The following HIBCH variants were observed in gnomAD, a reference collection of about 807,000 sequenced individuals.
HIBCH encodes the protein 3-hydroxyisobutyryl-CoA hydrolase, also known as 3-hydroxyisobutyryl-CoA hydrolase, mitochondrial.
In HIBCH, 50 loss-of-function variants were observed where a neutral mutation model predicts 58.2. That is an observed-to-expected ratio of 0.86 (90% confidence interval 0.68 to 1.09). The LOEUF is 1.09. Ranked by LOEUF, HIBCH falls within the 50% of genes least tolerant of loss-of-function variation. HIBCH has a pLI of 0.00. For synonymous variants in HIBCH, 151 were observed against 146.9 expected (o/e 1.03, Z -0.20); for missense variants, 450 against 449.7 (o/e 1.00, Z -0.01).
chr2:190,241,207 T>A (rs1387256073), intron 11 of HIBCH, among the ~76,000 whole-genome samples: 2 of 152,252 alleles, frequency 1.3e-5, no homozygotes, highest in African/African-American at 2.4e-5. Flanking sequence ...GCTGCATTGA[T>A]CCCTTTACCA....
At chr2:190,299,971 CTCCA>C (rs1237142007) in intron 2 of HIBCH, among the ~76,000 whole-genome samples, 4 of 152,078 alleles carry the variant, frequency 2.6e-5, no homozygotes. Context: ...CTCCAGGTCC[CTCCA>C]TGTTCCTGCA....
intron 5 of HIBCH, among the ~76,000 whole-genome samples, chr2:190,289,744 C>T (rs1301323987): frequency 6.6e-6 from 1 of 151,764 alleles, no homozygotes; most frequent in South Asian, 2.1e-4. Context: ...TCCAATGAAA[C>T]CTAGAACCTT....
intron 11 of HIBCH, among the ~76,000 whole-genome samples, chr2:190,242,135 A>G (rs565203369): frequency 3.7e-4 from 56 of 151,850 alleles, no homozygotes; most frequent in Admixed American, 7.2e-4. Flanking sequence ...ATAGTCCTAC[A>G]TTTCTTGGAG....
intron 6 of HIBCH, among the ~76,000 whole-genome samples, chr2:190,283,385 T>C (rs1191784377): frequency 2.0e-5 from 3 of 152,070 alleles, no homozygotes; most frequent in East Asian, 1.9e-4. Flanking sequence ...CCCTAGCCAA[T>C]AGGGGAATGA....
intron 3 of HIBCH, 95 bp downstream of exon 3, chr2:190,296,718 G>T (rs1011650673): frequency 8.6e-7 from 1 of 1,167,540 alleles, no homozygotes; most frequent in African/African-American, 1.5e-5. Context: ...ATATCCCAGA[G>T]AATTATGTGA....
intron 10 of HIBCH, 95 bp downstream of exon 10, chr2:190,246,059 C>G: frequency 1.0e-5 from 7 of 687,734 alleles, no homozygotes; most frequent in Non-Finnish European, 1.8e-5. Flanking sequence ...CACTATCAAA[C>G]ACAATGTAAT....
chr2:190,195,015 T>G (rs1559000208), intron 1 of HIBCH, among the ~76,000 whole-genome samples: 1 of 152,110 alleles, frequency 6.6e-6, no homozygotes, highest in African/African-American at 2.4e-5. Context: ...CCACCATGCC[T>G]GGCTAATTTT....
intron 1 of HIBCH, among the ~76,000 whole-genome samples, chr2:190,313,663 AAGG>A (rs1688617607): frequency 1.4e-5 from 2 of 146,332 alleles, no homozygotes; most frequent in Admixed American, 6.9e-5. Flanking sequence ...AAAAAAAAAA[AAGG>A]AATCACCTGG....
chr2:190,245,055 C>T, intron 10 of HIBCH, 87 bp from the exon 11 acceptor site: 2 of 859,052 alleles, frequency 2.3e-6, no homozygotes, highest in East Asian at 4.9e-5. Context: ...GGCTTTCCCC[C>T]ACCTCTGTTT....
chr2:190,237,920 G>T (rs1686328849), intron 11 of HIBCH, among the ~76,000 whole-genome samples: 2 of 151,892 alleles, frequency 1.3e-5, no homozygotes, highest in Non-Finnish European at 2.9e-5. Flanking sequence ...AACATGCAGT[G>T]TTTGGTTTTC....
intron 1 of HIBCH, among the ~76,000 whole-genome samples, chr2:190,193,099 T>C (rs993141056): frequency 6.6e-6 from 1 of 152,126 alleles, no homozygotes; most frequent in African/African-American, 2.4e-5. Flanking sequence ...GAAAAAGTGT[T>C]GTCTTTCACC....
chr2:190,299,504 T>TAC (rs1553506569), intron 2 of HIBCH, among the ~76,000 whole-genome samples: 34,439 of 151,308 alleles, frequency 0.23, 4,078 homozygotes, highest in East Asian at 0.32. Context: ...CAAAGTCTGA[T>TAC]ACACACACAC....
In HIBCH at chr2:190,243,129, T is replaced by C. The variant is rs1375619028; in HGVS notation, c.891+1758A>G. Among the ~76,000 whole-genome samples the C allele has an allele frequency of 6.6e-6, 1 of 152,160 alleles. No homozygotes were observed. Among genetic ancestry groups the C allele is most frequent in the African/African-American group, 2.4e-5 (1 of 41,438 alleles). ...AGGGTGTTGCCAAAAGAGATTAACA[T>C]TTGAGTCAGTGGGCTGGGCAAGGCA... On this transcript the variant is annotated intron_variant, in intron 11 of 13. Transcript: ENST00000359678. This position sits in a 1 kb window ranked among gnomAD's most constrained non-coding sequence, Gnocchi z 4.1.
At chr2:190,224,912 G>A (rs112472505) in intron 11 of HIBCH, among the ~76,000 whole-genome samples, 3,884 of 152,188 alleles carry the variant, frequency 0.026, 178 homozygotes, top group African/African-American at 0.089. Flanking sequence ...AACAGAAATT[G>A]TAACAGTCTC....
chr2:190,292,531 G>A (rs916568439), intron 4 of HIBCH, among the ~76,000 whole-genome samples: 12 of 152,116 alleles, frequency 7.9e-5, no homozygotes, highest in African/African-American at 2.7e-4. Flanking sequence ...GGCTGGTCTC[G>A]AACTCTTGAG....
intron 6 of HIBCH, among the ~76,000 whole-genome samples, chr2:190,271,311 G>T (rs1238304593): frequency 7.2e-6 from 1 of 138,194 alleles, no homozygotes. Context: ...TTTTTTGAGA[G>T]GGAGTCTTGC....
chr2:190,244,081 T>C (rs1686532554), intron 11 of HIBCH, among the ~76,000 whole-genome samples: 1 of 152,170 alleles, frequency 6.6e-6, no homozygotes, highest in Non-Finnish European at 1.5e-5. Context: ...TGAAATGCTA[T>C]GATTACATCT....
At chr2:190,194,477 T>TACACACACACAC (rs3083429) in intron 1 of HIBCH, among the ~76,000 whole-genome samples, 19 of 141,476 alleles carry the variant, frequency 1.3e-4, no homozygotes, top group South Asian at 6.9e-4. Context: ...ATCCTGTGTA[T>TACACACACACAC]ACACACACAC....
At position 190,236,913 on chromosome 2, in the gene HIBCH, A is replaced by G. The variant is rs969555403; in HGVS notation, c.891+7974T>C. On this transcript the variant is annotated intron_variant, in intron 11 of 13. Coordinates refer to ENST00000359678, the MANE Select transcript of HIBCH (RefSeq NM_014362.4). The surrounding 1 kb of genome is among the most constrained non-coding windows in gnomAD (Gnocchi z 4.1). ...TAGAAAACTGTTTTCTCTTCTGTCT[A>G]CATAAACTGATGCATTTTCCCCTTT... 1.3e-5 allele frequency among the ~76,000 whole-genome samples: 2 copies of G among 152,146 alleles called. No homozygotes were observed. Among genetic ancestry groups the G allele is most frequent in the African/African-American group, 4.8e-5 (2 of 41,434 alleles).
Sources: allele counts gnomAD v4.1 joint callset (sites outside exome capture counted in the v4.1 genomes callset), GRCh38; gene constraint gnomAD v4.1.1; non-coding constraint Gnocchi (gnomAD v3.1); transcripts MANE v1.5; gene names NCBI Gene and HGNC (gene_info 2026-07-23, HGNC 2026-07-21).